DLGAP2: variants seen among roughly 807,000 people sequenced by gnomAD.
DLGAP2 encodes the protein DLG associated protein 2.
DLGAP2 carries 26 observed loss-of-function variants against 100.3 expected under a neutral mutation model. The ratio of observed to expected loss-of-function variants is 0.26; its 90% CI spans 0.19 to 0.36. The LOEUF (loss-of-function observed/expected upper bound fraction) is 0.36, where lower values mean the gene tolerates loss of function less well. DLGAP2 is among the 10% of genes least tolerant of loss of function. DLGAP2 has a pLI of 1.00. For synonymous variants in DLGAP2, 886 were observed against 630.1 expected (o/e 1.41, Z -6.08); for missense variants, 1,858 against 1,453.2 (o/e 1.28, Z -4.53).
intron 3 of DLGAP2, among the ~76,000 whole-genome samples, chr8:1,278,788 A>G (rs972755280): frequency 1.3e-5 from 2 of 152,214 alleles, no homozygotes; most frequent in African/African-American, 2.4e-5. Flanking sequence ...TTTAAGCCAT[A>G]AAAATAATTT....
In DLGAP2 at chr8:1,335,983, T is replaced by C. The variant is rs559288248; in HGVS notation, c.106+77100T>C. Among the ~76,000 whole-genome samples, 9 of 152,260 alleles carry C rather than the reference T, an allele frequency of 5.9e-5. 1 individual carries two copies. The South Asian group carries it at 1.9e-3, about 31-fold the overall frequency. ...CCATAGAACTGGGGCTTTGTGCTTT[T>C]TCCGGTAAAGAGCTCCAGGGGGGAA... On this transcript the variant is annotated intron_variant, in intron 3 of 14. Transcript: ENST00000637795.
intron 2 of DLGAP2, among the ~76,000 whole-genome samples, chr8:1,008,549 G>C (rs1801187139): frequency 6.6e-6 from 1 of 152,208 alleles, no homozygotes; most frequent in Admixed American, 6.5e-5. Context: ...TCCTGAACAA[G>C]AAAAAGTTAA....
chr8:755,324 G>C (rs1204252711), intron 1 of DLGAP2, among the ~76,000 whole-genome samples: 2 of 152,044 alleles, frequency 1.3e-5, no homozygotes, highest in Non-Finnish European at 2.9e-5. Flanking sequence ...TAATACCTAG[G>C]CGTGGGGGCT....
intron 1 of DLGAP2, among the ~76,000 whole-genome samples, chr8:870,534 C>T (rs148932044): frequency 3.4e-4 from 52 of 152,272 alleles, no homozygotes; most frequent in African/African-American, 1.2e-3. Flanking sequence ...TCACTTCCTG[C>T]TCTGTCTCCT....
rs553254064 is a variant in DLGAP2, at chr8:1,704,376, G to A, written c.*2970G>A. On this transcript the variant is annotated 3_prime_UTR_variant, in exon 15 of 15. Coordinates refer to ENST00000637795, the MANE Select transcript of DLGAP2 (RefSeq NM_001346810.2). ...CAGACACTCTCCTTAGAGCCGACAGGTTGATCCTGCTGTGTTGAAGGCTGT... is the reference window on the plus strand; with the variant it reads ...CAGACACTCTCCTTAGAGCCGACAGATTGATCCTGCTGTGTTGAAGGCTGT... 1 of 152,290 alleles carries A rather than the reference G, an allele frequency of 6.6e-6. No individual in the cohort carries two copies. Among genetic ancestry groups the A allele is most frequent in the Non-Finnish European group, 1.5e-5 (1 of 68,020 alleles). The allele number at this position is 152,290 out of a possible 1,614,324, so 9.4% of individuals were successfully genotyped here.
chr8:1,320,112 G>C (rs1444116309), intron 3 of DLGAP2, among the ~76,000 whole-genome samples: 3 of 152,148 alleles, frequency 2.0e-5, no homozygotes. Context: ...GAGACCATGA[G>C]AGTGAGGTGA....
intron 2 of DLGAP2, among the ~76,000 whole-genome samples, chr8:1,208,266 C>A (rs1212527326): frequency 6.6e-6 from 1 of 152,172 alleles, no homozygotes; most frequent in African/African-American, 2.4e-5. Flanking sequence ...GATCCAGTTT[C>A]ATTCTTCTAT....
At chr8:1,456,391 C>G (rs910329862) in intron 3 of DLGAP2, among the ~76,000 whole-genome samples, 5 of 152,166 alleles carry the variant, frequency 3.3e-5, no homozygotes, top group African/African-American at 1.2e-4. Flanking sequence ...TGCCGTGTAT[C>G]TAAACATCAA....
At chr8:874,219 A>G (rs974632213) in intron 1 of DLGAP2, among the ~76,000 whole-genome samples, 2 of 151,074 alleles carry the variant, frequency 1.3e-5, no homozygotes, top group African/African-American at 2.4e-5. Context: ...TTTTAATATT[A>G]TTATTTTTTC....
intron 3 of DLGAP2, among the ~76,000 whole-genome samples, chr8:1,316,603 C>T (rs527516256): frequency 7.9e-5 from 11 of 138,392 alleles, no homozygotes; most frequent in African/African-American, 2.7e-4. Flanking sequence ...CACTCGGCAG[C>T]GTTTAAAAAT....
At chr8:1,164,313 T>G (rs67224142) in intron 2 of DLGAP2, among the ~76,000 whole-genome samples, 5,837 of 31,706 alleles carry the variant, frequency 0.18, 3 homozygotes, top group Middle Eastern at 0.31. Context: ...GGTTTGTTTT[T>G]GTTTGTGGGG....
intron 2 of DLGAP2, among the ~76,000 whole-genome samples, chr8:1,142,088 T>G (rs1796531312): frequency 6.6e-6 from 1 of 150,792 alleles, no homozygotes; most frequent in Non-Finnish European, 1.5e-5. Flanking sequence ...TTTTTTTTGC[T>G]ATGAAATTGC....
chr8:1,177,943 C>T (rs892064205), intron 2 of DLGAP2, among the ~76,000 whole-genome samples: 4 of 152,248 alleles, frequency 2.6e-5, no homozygotes, highest in African/African-American at 9.6e-5. Context: ...GAAGCACCAG[C>T]TGAGGCCTCA....
intron 2 of DLGAP2, among the ~76,000 whole-genome samples, chr8:1,120,277 G>T (rs1323131647): frequency 2.0e-5 from 3 of 152,120 alleles, no homozygotes; most frequent in African/African-American, 7.2e-5. Context: ...CAGGGCCAAG[G>T]CCTGAGAAGC....
chr8:1,426,006 T>C (rs942885720), intron 3 of DLGAP2, among the ~76,000 whole-genome samples: 2 of 152,120 alleles, frequency 1.3e-5, no homozygotes, highest in African/African-American at 4.8e-5. Context: ...ACCTGCAAGG[T>C]GAATGCGTGG....
chr8:1,464,207 ACCC>A (rs1798544278), intron 3 of DLGAP2, among the ~76,000 whole-genome samples: 3 of 84,434 alleles, frequency 3.6e-5, no homozygotes, highest in South Asian at 9.0e-4. Flanking sequence ...CCAGGACAAC[ACCC>A]TTCCAGGACG....
At chr8:1,331,222 A>G (rs59573588) in intron 3 of DLGAP2, among the ~76,000 whole-genome samples, 8,046 of 152,272 alleles carry the variant, frequency 0.053, 700 homozygotes, top group African/African-American at 0.18. Flanking sequence ...CTGATGTGCT[A>G]GTTGAAGCCA....
chr8:1,627,311 C>T (rs905198556), intron 7 of DLGAP2, among the ~76,000 whole-genome samples: 4 of 152,202 alleles, frequency 2.6e-5, no homozygotes, highest in African/African-American at 9.6e-5. Flanking sequence ...GTGTCGCTCA[C>T]AGAGTCCTGC....
chr8:1,557,523 G>A (rs976109297), intron 5 of DLGAP2, among the ~76,000 whole-genome samples: 1 of 152,112 alleles, frequency 6.6e-6, no homozygotes, highest in Non-Finnish European at 1.5e-5. Context: ...TGTGAACTCA[G>A]GGGTCTCCGC....
Sources: gnomAD v4.1 joint callset for allele counts (sites outside exome capture counted in the v4.1 genomes callset) on GRCh38, gnomAD v4.1.1 for gene constraint, MANE v1.5 for transcripts, NCBI Gene and HGNC (gene_info 2026-07-23, HGNC 2026-07-21) for gene names.